EHBP1: variants seen among roughly 807,000 people sequenced by gnomAD.
The protein encoded by EHBP1 is EH domain binding protein 1, also known as EH domain-binding protein 1.
Under a neutral mutation model 144.0 loss-of-function variants are expected in EHBP1, and 55 were observed. The observed-to-expected ratio is 0.38, with a 90% CI of 0.31 to 0.48. EHBP1 has a LOEUF of 0.48. EHBP1 is among the 20% of genes least tolerant of loss of function. The probability of loss-of-function intolerance (pLI) is 0.98; values close to 1 mark genes in which losing one functional copy is unlikely to be tolerated. For synonymous variants in EHBP1, 469 were observed against 472.7 expected, an observed-to-expected ratio of 0.99 and a Z score of 0.10; for missense variants, 1,200 against 1,364.2, an observed-to-expected ratio of 0.88 and a Z score of 1.90.
chr2:62,820,736 TAATATATATATATATATATATATATA>T, intron 5 of EHBP1, among the ~76,000 whole-genome samples: 1 of 72,814 alleles, frequency 1.4e-5, no homozygotes, highest in East Asian at 3.9e-4. Context: ...TGTGTGTGTA[TAATATATATATATATATATATATATA>T]TATATATATA....
chr2:63,007,180 G>T (rs1376883885), intron 19 of EHBP1, among the ~76,000 whole-genome samples: 2 of 151,816 alleles, frequency 1.3e-5, no homozygotes, highest in Non-Finnish European at 1.5e-5. Flanking sequence ...ACTTTAATGG[G>T]ATAACCAGTA....
rs922340391 is a variant in EHBP1, at chr2:62,684,323, G to A, written c.-296+10240G>A. ...CTGAGTGGAGGGATGGGGGTAGAGTGGGGGAGGTAAAATTACTCCTTGGGA... is the reference window on the plus strand; with the variant it reads ...CTGAGTGGAGGGATGGGGGTAGAGTAGGGGAGGTAAAATTACTCCTTGGGA... On this transcript the variant is annotated intron_variant, in intron 1 of 22. Transcript: ENST00000405015. Among the ~76,000 whole-genome samples the A allele has an allele frequency of 2.0e-5, 3 of 151,934 alleles. No individual in the cohort carries two copies. In the East Asian group the frequency reaches 5.8e-4, roughly 29 times the overall value.
At chr2:62,729,593 T>A (rs1476417457) in intron 2 of EHBP1, among the ~76,000 whole-genome samples, 4 of 128,402 alleles carry the variant, frequency 3.1e-5, no homozygotes, top group South Asian at 2.2e-4. Context: ...AATAATAATA[T>A]ATATAATAAT....
chr2:62,931,766 TGTTA>T (rs2056008919), intron 10 of EHBP1, among the ~76,000 whole-genome samples: 1 of 152,204 alleles, frequency 6.6e-6, no homozygotes, highest in Non-Finnish European at 1.5e-5. Context: ...ATATGCCACC[TGTTA>T]GTCACTTAGT....
At chr2:62,859,347 G>T (rs1013043706) in intron 8 of EHBP1, 56 bp downstream of exon 8, 1 of 1,490,050 alleles carries the variant, frequency 6.7e-7, no homozygotes, top group East Asian at 2.3e-5. Context: ...GACTTGAACT[G>T]TAAGGGCAGG....
At chr2:62,785,898 AC>A (rs552909509) in intron 5 of EHBP1, among the ~76,000 whole-genome samples, 2 of 151,924 alleles carry the variant, frequency 1.3e-5, no homozygotes, top group South Asian at 4.1e-4. Context: ...TTCTTTCTGA[AC>A]CACATCATCC....
intron 3 of EHBP1, among the ~76,000 whole-genome samples, chr2:62,755,856 A>G (rs2040227158): frequency 6.6e-6 from 1 of 152,198 alleles, no homozygotes; most frequent in African/African-American, 2.4e-5. Context: ...TCAACAAAAA[A>G]CAATTTATCT....
intron 10 of EHBP1, among the ~76,000 whole-genome samples, chr2:62,907,771 G>A (rs555300566): frequency 1.8e-4 from 28 of 152,312 alleles, no homozygotes; most frequent in Admixed American, 7.2e-4. Flanking sequence ...CTTTTCTTGA[G>A]TGTATTTGAT....
chr2:62,673,931 G>A (rs2033194253), exon 1 of EHBP1: 1 of 426,090 alleles, frequency 2.3e-6, no homozygotes, highest in Non-Finnish European at 4.8e-6. Context: ...CTGGGGATTT[G>A]GAGGTCCAAG....
intron 10 of EHBP1, among the ~76,000 whole-genome samples, chr2:62,884,272 T>C (rs1317701045): frequency 6.6e-6 from 1 of 152,218 alleles, no homozygotes; most frequent in Non-Finnish European, 1.5e-5. Context: ...ACCTTATACA[T>C]GTACTTTTGT....
At position 62,818,999 on chromosome 2, in the gene EHBP1, G is replaced by C. The variant is rs145741090; in HGVS notation, c.313-7088G>C. Among the ~76,000 whole-genome samples, 1,284 of 152,254 alleles carry C rather than the reference G, an allele frequency of 8.4e-3. 10 individuals carry two copies. The highest frequency in any genetic ancestry group is 0.014 in the Middle Eastern group (4 of 294). ...GGAGTCTTTAAGTCTTTCAGAGAAT[G>C]GGAAAGGATGCCGCAGCTCATTTTA... is the stretch of plus-strand genomic sequence containing the variant. On this transcript the variant is annotated intron_variant, in intron 5 of 22. Coordinates refer to ENST00000431489, the MANE Select transcript of EHBP1 (RefSeq NM_001142616.3).
intron 19 of EHBP1, among the ~76,000 whole-genome samples, chr2:63,028,288 T>C (rs981258189): frequency 6.6e-6 from 1 of 152,186 alleles, no homozygotes; most frequent in African/African-American, 2.4e-5. Flanking sequence ...CAGTGTTACC[T>C]GGTTATCTGA....
chr2:62,897,711 T>A (rs1459619860), intron 10 of EHBP1, among the ~76,000 whole-genome samples: 1 of 152,200 alleles, frequency 6.6e-6, no homozygotes, highest in Non-Finnish European at 1.5e-5. Flanking sequence ...AAAATTGAAA[T>A]GTATTTTCCT....
At chr2:62,877,449 A>T (rs2050986562) in intron 10 of EHBP1, among the ~76,000 whole-genome samples, 1 of 152,206 alleles carries the variant, frequency 6.6e-6, no homozygotes, top group African/African-American at 2.4e-5. Context: ...ATCCAGGCAG[A>T]AAACTAATAA....
At chr2:62,750,333 A>G (rs550108882) in intron 3 of EHBP1, among the ~76,000 whole-genome samples, 5 of 152,118 alleles carry the variant, frequency 3.3e-5, no homozygotes, top group African/African-American at 1.2e-4. Context: ...GTTCTGTTCT[A>G]TTGATCTATA....
At chr2:62,758,996 T>C (rs1296250365) in intron 3 of EHBP1, among the ~76,000 whole-genome samples, 5 of 152,208 alleles carry the variant, frequency 3.3e-5, no homozygotes, top group Admixed American at 2.0e-4. Flanking sequence ...AAATAACGAA[T>C]GATTGCTAAC....
intron 12 of EHBP1, among the ~76,000 whole-genome samples, chr2:62,945,209 G>GC (rs1437613992): frequency 7.2e-5 from 11 of 152,156 alleles, no homozygotes; most frequent in African/African-American, 2.7e-4. Flanking sequence ...GTCATAAAAA[G>GC]CACATATATT....
At chr2:62,833,651 A>G (rs970670427) in intron 7 of EHBP1, among the ~76,000 whole-genome samples, 4 of 152,240 alleles carry the variant, frequency 2.6e-5, no homozygotes, top group Admixed American at 2.0e-4. Context: ...ACCACTGCTC[A>G]TTGACAGCGT....
chr2:62,727,605 G>A (rs986353902), intron 2 of EHBP1, among the ~76,000 whole-genome samples: 7 of 152,024 alleles, frequency 4.6e-5, no homozygotes, highest in African/African-American at 1.7e-4. Flanking sequence ...TGGTTTCAAG[G>A]TTCATCCATG....
Sources: gnomAD v4.1 joint callset for allele counts (sites outside exome capture counted in the v4.1 genomes callset) on GRCh38, gnomAD v4.1.1 for gene constraint, MANE v1.5 for transcripts, NCBI Gene and HGNC (gene_info 2026-07-23, HGNC 2026-07-21) for gene names.